The following KLF12 variants were observed in gnomAD, a reference collection of about 807,000 sequenced individuals.
KLF12 encodes the protein KLF transcription factor 12.
Under a neutral mutation model 37.8 loss-of-function variants are expected in KLF12, and 9 were observed. The observed-to-expected ratio is 0.24, with a 90% CI of 0.14 to 0.42. The LOEUF (loss-of-function observed/expected upper bound fraction) is 0.42. Among genes scored for constraint, KLF12 ranks in the 10% least tolerant of loss-of-function variants. The pLI, the probability that KLF12 is intolerant of heterozygous loss-of-function variation, is 1.00. For synonymous variants in KLF12, 208 were observed against 202.1 expected, an observed-to-expected ratio of 1.03 and a Z score of -0.25; for missense variants, 411 against 516.0, an observed-to-expected ratio of 0.80 and a Z score of 1.97.
At chr13:74,077,399 G>T (rs955132209) in intron 1 of KLF12, among the ~76,000 whole-genome samples, 1 of 152,080 alleles carries the variant, frequency 6.6e-6, no homozygotes, top group African/African-American at 2.4e-5. Flanking sequence ...TATACTAAAA[G>T]AATTATGGCT....
the KLF12 span, among the ~76,000 whole-genome samples, chr13:74,200,192 G>T: frequency 1.3e-4 from 20 of 149,814 alleles, no homozygotes; most frequent in Non-Finnish European, 2.1e-4. Context: ...GCTTGCTCAG[G>T]GGGGGGGTTT....
intron 2 of KLF12, among the ~76,000 whole-genome samples, chr13:73,968,088 C>T (rs1891222950): frequency 1.3e-5 from 2 of 152,136 alleles, no homozygotes; most frequent in Non-Finnish European, 2.9e-5. Context: ...TTATTTCTAG[C>T]TGAATGATCC....
chr13:73,814,934 C>T (rs9573304), intron 4 of KLF12, among the ~76,000 whole-genome samples: 2 of 151,734 alleles, frequency 1.3e-5, no homozygotes, highest in Non-Finnish European at 2.9e-5. Context: ...GACATAAAAA[C>T]GTGTCACAGT....
intron 3 of KLF12, among the ~76,000 whole-genome samples, chr13:73,890,501 A>G (rs1196642678): frequency 1.3e-5 from 2 of 152,140 alleles, no homozygotes; most frequent in Non-Finnish European, 2.9e-5. Context: ...ATTTTAAACG[A>G]TAATGATTGG....
intron 7 of KLF12, among the ~76,000 whole-genome samples, chr13:73,709,288 G>A (rs1022640648): frequency 6.6e-6 from 1 of 152,108 alleles, no homozygotes; most frequent in African/African-American, 2.4e-5. Context: ...AGCATTAAAG[G>A]CAAAATTAAC....
intron 1 of KLF12, among the ~76,000 whole-genome samples, chr13:74,052,400 C>T (rs1427472909): frequency 6.6e-6 from 1 of 152,118 alleles, no homozygotes; most frequent in Non-Finnish European, 1.5e-5. Flanking sequence ...GAAGCGTCTA[C>T]TCTTTTTTTT....
At chr13:74,300,492 G>A in the KLF12 span, among the ~76,000 whole-genome samples, 9 of 152,108 alleles carry the variant, frequency 5.9e-5, no homozygotes. Flanking sequence ...TGTGGTAGGG[G>A]TGGGTGGATG....
intron 5 of KLF12, among the ~76,000 whole-genome samples, chr13:73,812,577 T>C (rs1883000461): frequency 6.6e-6 from 1 of 152,062 alleles, no homozygotes. Flanking sequence ...TTCAATCATT[T>C]AGGTTCAATT....
At chr13:73,989,737 C>G (rs959176707) in intron 2 of KLF12, among the ~76,000 whole-genome samples, 7 of 152,128 alleles carry the variant, frequency 4.6e-5, no homozygotes, top group Admixed American at 3.3e-4. Context: ...ATAAGCGATA[C>G]TCAGGGAGAG....
chr13:74,109,776 G>C (rs773367813), intron 1 of KLF12, among the ~76,000 whole-genome samples: 51 of 152,090 alleles, frequency 3.4e-4, no homozygotes, highest in Non-Finnish European at 5.9e-4. Context: ...AATATAAAGA[G>C]CAAGGGGAAC....
At position 73,979,143 on chromosome 13, in the gene KLF12, A is replaced by T. The variant is rs889427450; in HGVS notation, c.33+15847T>A. Among the ~76,000 whole-genome samples the T allele has an allele frequency of 5.3e-5, 8 of 152,172 alleles. 1 individual carries two copies. Among genetic ancestry groups the T allele is most frequent in the Non-Finnish European group, 1.2e-4 (8 of 68,028 alleles). The stretch of plus-strand genomic sequence containing the variant: ...GTAGAATATACAACACTCAGAGGAA[A>T]CACTAATATAAACCAGGAACTTTGG... On this transcript the variant is annotated intron_variant, in intron 2 of 7. Transcript: ENST00000377669.
At chr13:74,068,507 G>A (rs1874044365) in intron 1 of KLF12, among the ~76,000 whole-genome samples, 1 of 151,712 alleles carries the variant, frequency 6.6e-6, no homozygotes. Flanking sequence ...TACATCCAAA[G>A]ATTGATAGAA....
At chr13:73,876,423 C>G (rs1393515558) in intron 3 of KLF12, among the ~76,000 whole-genome samples, 1 of 152,198 alleles carries the variant, frequency 6.6e-6, no homozygotes, top group Non-Finnish European at 1.5e-5. Context: ...AAGATCAGGT[C>G]CATTGGGACA....
At chr13:73,957,355 A>G (rs563175196) in intron 2 of KLF12, among the ~76,000 whole-genome samples, 1 of 152,324 alleles carries the variant, frequency 6.6e-6, no homozygotes, top group African/African-American at 2.4e-5. Flanking sequence ...AAGTGCAAAG[A>G]TCCCAGAAAA....
At chr13:74,231,234 T>C in the KLF12 span, among the ~76,000 whole-genome samples, 6 of 152,264 alleles carry the variant, frequency 3.9e-5, no homozygotes, top group Admixed American at 3.9e-4. Context: ...TCTCCAGGGC[T>C]TATCGCTGAA....
intron 2 of KLF12, among the ~76,000 whole-genome samples, chr13:73,994,468 C>A (rs975193105): frequency 7.4e-5 from 6 of 81,316 alleles, no homozygotes; most frequent in East Asian, 5.6e-4. Context: ...TCACAGCGCC[C>A]CCCCCACCAC....
chr13:74,158,368 T>C, the KLF12 span, among the ~76,000 whole-genome samples: 2 of 152,092 alleles, frequency 1.3e-5, no homozygotes, highest in Non-Finnish European at 1.5e-5. Context: ...GCCGCCAGGA[T>C]TGGGGAAGCC....
intron 6 of KLF12, among the ~76,000 whole-genome samples, chr13:73,764,721 T>G (rs1436887211): frequency 1.3e-5 from 2 of 151,996 alleles, no homozygotes; most frequent in Non-Finnish European, 2.9e-5. Context: ...AAAAAAAAAG[T>G]TACACTCAGG....
intron 5 of KLF12, among the ~76,000 whole-genome samples, chr13:73,798,811 T>C (rs570199872): frequency 5.9e-5 from 9 of 152,296 alleles, no homozygotes; most frequent in African/African-American, 1.7e-4. Context: ...GCACTGTTGG[T>C]AGGAGTGTAA....
Sources: gnomAD v4.1 joint callset for allele counts (sites outside exome capture counted in the v4.1 genomes callset) on GRCh38, gnomAD v4.1.1 for gene constraint, MANE v1.5 for transcripts, NCBI Gene and HGNC (gene_info 2026-07-23, HGNC 2026-07-21) for gene names.